Variants in GRIN2B observed in about 807,000 individuals in gnomAD.
GRIN2B encodes the protein glutamate ionotropic receptor NMDA type subunit 2B.
A neutral mutation model predicts 114.5 loss-of-function variants in GRIN2B; 5 were observed. That is an observed-to-expected ratio of 0.04 (90% CI 0.02 to 0.09). The LOEUF is 0.09. Ranked by LOEUF, GRIN2B falls within the 10% of genes least tolerant of loss-of-function variation. GRIN2B has a pLI of 1.00. For missense variants in GRIN2B, 1,108 were observed against 1,943.5 expected (o/e 0.57, Z 8.08); for synonymous variants, 787 against 745.1 (o/e 1.06, Z -0.92).
intron 5 of GRIN2B, among the ~76,000 whole-genome samples, chr12:13,660,058 T>G (rs1949905858): frequency 6.6e-6 from 1 of 152,134 alleles, no homozygotes; most frequent in Admixed American, 6.5e-5. Context: ...TTGGGCAGGG[T>G]TGCTCACAGC....
intron 5 of GRIN2B, among the ~76,000 whole-genome samples, chr12:13,654,420 T>C (rs999255223): frequency 1.3e-5 from 2 of 152,196 alleles, no homozygotes; most frequent in Admixed American, 6.5e-5. Flanking sequence ...CTTGTTTGTA[T>C]ATGAAAAACC....
intron 3 of GRIN2B, among the ~76,000 whole-genome samples, chr12:13,810,041 G>A (rs919812852): frequency 2.0e-5 from 3 of 152,064 alleles, no homozygotes; most frequent in South Asian, 2.1e-4. Flanking sequence ...TGAACCCAGA[G>A]AGCTCCCCAT....
chr12:13,668,836 A>G (rs1949999322), intron 5 of GRIN2B, among the ~76,000 whole-genome samples: 1 of 151,506 alleles, frequency 6.6e-6, no homozygotes, highest in Non-Finnish European at 1.5e-5. Context: ...AAGCTATGAT[A>G]CAAATTTGTG....
chr12:13,551,126 C>T lies in GRIN2B; in HGVS notation c.*11657G>A, dbSNP rs1591597934. The stretch of plus-strand genomic sequence containing the variant: ...CCTTGATATTTTTCTTGCTCCTGAC[C>T]CTGGGAGAGAGAGAACAGATAAATT... On this transcript the variant is annotated 3_prime_UTR_variant, in exon 14 of 14. Coordinates refer to ENST00000609686, the MANE Select transcript of GRIN2B (RefSeq NM_000834.5). 1 of 151,944 alleles carries T rather than the reference C, an allele frequency of 6.6e-6. No homozygotes were observed. The highest frequency in any genetic ancestry group is 6.6e-5 in the Admixed American group (1 of 15,258). 9.4% of individuals were successfully genotyped at this position (151,944 alleles called of 1,614,324 possible). A position where few individuals can be genotyped will look rare whatever the true frequency, so the allele number is the denominator to read the frequency against.
intron 3 of GRIN2B, among the ~76,000 whole-genome samples, chr12:13,859,068 T>C (rs1451521927): frequency 6.6e-6 from 1 of 152,232 alleles, no homozygotes; most frequent in Non-Finnish European, 1.5e-5. Context: ...ACTGGGTACA[T>C]TGCGTCATAA....
chr12:13,717,130 A>C (rs1950462713), intron 4 of GRIN2B, among the ~76,000 whole-genome samples: 1 of 150,770 alleles, frequency 6.6e-6, no homozygotes, highest in African/African-American at 2.4e-5. Context: ...AGAGACCCTT[A>C]AATTTTGGAG....
chr12:13,688,038 T>C (rs1950186248), intron 4 of GRIN2B, among the ~76,000 whole-genome samples: 1 of 152,174 alleles, frequency 6.6e-6, no homozygotes, highest in Admixed American at 6.6e-5. Flanking sequence ...TATTTTACAT[T>C]CTCACATCAA....
chr12:13,755,028 A>C (rs973370667), intron 3 of GRIN2B, among the ~76,000 whole-genome samples: 1 of 152,134 alleles, frequency 6.6e-6, no homozygotes, highest in Non-Finnish European at 1.5e-5. Flanking sequence ...CTCCTGGGTA[A>C]TGGTATGTCT....
intron 2 of GRIN2B, among the ~76,000 whole-genome samples, chr12:13,886,855 C>G (rs1866167862): frequency 2.6e-5 from 4 of 152,214 alleles, no homozygotes. Context: ...AACACTTATA[C>G]AGTACTCATG....
At chr12:13,621,408 T>TAAAAA (rs1416594059) in intron 5 of GRIN2B, among the ~76,000 whole-genome samples, 1 of 151,874 alleles carries the variant, frequency 6.6e-6, no homozygotes, top group East Asian at 1.9e-4. Context: ...ATCAGGAAAA[T>TAAAAA]AAAAAACCTT....
intron 2 of GRIN2B, among the ~76,000 whole-genome samples, chr12:13,943,713 T>C (rs961599577): frequency 1.3e-5 from 2 of 152,222 alleles, no homozygotes; most frequent in African/African-American, 4.8e-5. Flanking sequence ...TTTATGCCTC[T>C]CTGCTCAATG....
chr12:13,942,228 G>A (rs764730241), intron 2 of GRIN2B, among the ~76,000 whole-genome samples: 2 of 152,152 alleles, frequency 1.3e-5, no homozygotes, highest in Non-Finnish European at 2.9e-5. Flanking sequence ...TGACAGGGGT[G>A]GGGAGGACAG....
At chr12:13,804,952 T>C (rs1350693200) in intron 3 of GRIN2B, among the ~76,000 whole-genome samples, 1 of 152,132 alleles carries the variant, frequency 6.6e-6, no homozygotes, top group Non-Finnish European at 1.5e-5. Flanking sequence ...GTTCATGGAT[T>C]TACTGGTCAT....
chr12:13,904,056 A>C (rs1866500416), intron 2 of GRIN2B, among the ~76,000 whole-genome samples: 1 of 152,024 alleles, frequency 6.6e-6, no homozygotes, highest in African/African-American at 2.4e-5. Context: ...CAGTACCATT[A>C]TGTTTTAGAT....
intron 5 of GRIN2B, among the ~76,000 whole-genome samples, chr12:13,657,196 A>G (rs1248951508): frequency 6.6e-6 from 1 of 152,150 alleles, no homozygotes; most frequent in Non-Finnish European, 1.5e-5. Flanking sequence ...AAGTGGAGCA[A>G]TAAAACCCAC....
chr12:13,956,502 C>T (rs1867594704), intron 2 of GRIN2B, among the ~76,000 whole-genome samples: 1 of 152,178 alleles, frequency 6.6e-6, no homozygotes, highest in African/African-American at 2.4e-5. Context: ...GCCCTGAATT[C>T]TCCTACCCTC....
At position 13,541,211 on chromosome 12, in the gene GRIN2B, G is replaced by A. The variant is rs1948274555; in HGVS notation, c.*21572C>T. 6.6e-6 allele frequency: 1 copy of A among 152,218 alleles called. No individual in the cohort carries two copies. Among genetic ancestry groups the A allele is most frequent in the Non-Finnish European group, 1.5e-5 (1 of 68,048 alleles). 9.4% of individuals were successfully genotyped at this position (152,218 alleles called of 1,614,324 possible). On this transcript the variant is annotated 3_prime_UTR_variant, in exon 14 of 14. Coordinates refer to ENST00000609686, the MANE Select transcript of GRIN2B (RefSeq NM_000834.5). ...ACATTGCCTCTAGCTCCCTTGAAATGTTTCCACAAGCGTCAGGGCTACTCT... is the reference window on the plus strand; with the variant it reads ...ACATTGCCTCTAGCTCCCTTGAAATATTTCCACAAGCGTCAGGGCTACTCT...
chr12:13,952,349 C>A (rs1222568600), intron 2 of GRIN2B, among the ~76,000 whole-genome samples: 2 of 152,198 alleles, frequency 1.3e-5, no homozygotes, highest in African/African-American at 4.8e-5. Context: ...ACCCACTCAC[C>A]TTTATACAGT....
chr12:13,590,046 T>C (rs1948985284), intron 10 of GRIN2B, among the ~76,000 whole-genome samples: 1 of 152,086 alleles, frequency 6.6e-6, no homozygotes, highest in African/African-American at 2.4e-5. Flanking sequence ...TGTTATAAAT[T>C]ATCTGGCTGC....
Sources: allele counts gnomAD v4.1 joint callset (sites outside exome capture counted in the v4.1 genomes callset), GRCh38; gene constraint gnomAD v4.1.1; transcripts MANE v1.5; gene names NCBI Gene and HGNC (gene_info 2026-07-23, HGNC 2026-07-21).